ATP8B4: variants seen among roughly 807,000 people sequenced by gnomAD.
ATP8B4 encodes probable phospholipid-transporting ATPase IM.
ATP8B4 carries 133 observed loss-of-function variants against 145.6 expected under a neutral mutation model. The observed-to-expected ratio is 0.91, with a 90% CI of 0.79 to 1.05. ATP8B4 has a LOEUF of 1.05. Ranked by LOEUF, ATP8B4 falls within the 50% of genes least tolerant of loss-of-function variation. The pLI, the probability that ATP8B4 is intolerant of heterozygous loss-of-function variation, is 0.00. For synonymous variants in ATP8B4, 507 were observed against 492.9 expected (o/e 1.03, Z -0.38); for missense variants, 1,458 against 1,425.2 (o/e 1.02, Z -0.37).
intron 1 of ATP8B4, among the ~76,000 whole-genome samples, chr15:50,147,967 A>G (rs1595647272): frequency 6.6e-6 from 1 of 152,230 alleles, no homozygotes; most frequent in African/African-American, 2.4e-5. Context: ...CATGCAATAC[A>G]TATTAATTAC....
intron 1 of ATP8B4, among the ~76,000 whole-genome samples, chr15:50,114,260 T>C (rs1259998821): frequency 6.6e-6 from 1 of 151,954 alleles, no homozygotes; most frequent in Non-Finnish European, 1.5e-5. Flanking sequence ...TATTCCTCAC[T>C]CCCTTCCTAC....
chr15:49,981,568 C>T (rs180748202), intron 10 of ATP8B4, among the ~76,000 whole-genome samples: 6 of 152,018 alleles, frequency 3.9e-5, no homozygotes, highest in Admixed American at 3.3e-4. Flanking sequence ...TTTTCAATGT[C>T]TATACATGAA....
In ATP8B4 at chr15:50,027,710, G is replaced by C. The variant is rs868367898; in HGVS notation, c.362+11058C>G. On this transcript the variant is annotated intron_variant, in intron 6 of 27. Coordinates refer to ENST00000284509, the MANE Select transcript of ATP8B4 (RefSeq NM_024837.4). Reference sequence around the variant, plus strand: ...ATTTAAAATCCAGTAAGTGTTTATTGTGAAGGAATGCTAAGCTTATGGAAA... The same window carrying C: ...ATTTAAAATCCAGTAAGTGTTTATTCTGAAGGAATGCTAAGCTTATGGAAA... Among the ~76,000 whole-genome samples, 3 of 152,186 alleles carry C rather than the reference G, an allele frequency of 2.0e-5. No individual in the cohort carries two copies. The South Asian group carries it at 6.2e-4, about 31-fold the overall frequency.
intron 27 of ATP8B4, among the ~76,000 whole-genome samples, chr15:49,861,430 C>G (rs77863598): frequency 0.17 from 20,562 of 121,500 alleles, 1,875 homozygotes; most frequent in Non-Finnish European, 0.21. Flanking sequence ...GTGTGTCTGT[C>G]TGTCTGTCTG....
chr15:49,863,254 T>C (rs2032176589), intron 26 of ATP8B4, among the ~76,000 whole-genome samples: 1 of 152,202 alleles, frequency 6.6e-6, no homozygotes, highest in African/African-American at 2.4e-5. Context: ...GCTCCTGGGT[T>C]TGTGAAAAGA....
At chr15:49,932,466 A>G (rs2041357002) in intron 15 of ATP8B4, among the ~76,000 whole-genome samples, 1 of 152,058 alleles carries the variant, frequency 6.6e-6, no homozygotes, top group African/African-American at 2.4e-5. Context: ...CAATTACTTG[A>G]TCTACCCACG....
At chr15:50,079,121 T>C (rs1211505400) in intron 2 of ATP8B4, among the ~76,000 whole-genome samples, 2 of 152,204 alleles carry the variant, frequency 1.3e-5, no homozygotes, top group South Asian at 4.1e-4. Context: ...TTTGAGGGGA[T>C]GGATACCCCA....
intron 7 of ATP8B4, among the ~76,000 whole-genome samples, chr15:50,006,284 CAA>C (rs36110912): frequency 0.022 from 2,942 of 134,200 alleles, 109 homozygotes; most frequent in African/African-American, 0.072. Context: ...TTCCTCTAGT[CAA>C]AAAAAAAAAA....
At chr15:49,967,729 A>G (rs967563042) in intron 13 of ATP8B4, among the ~76,000 whole-genome samples, 1 of 152,212 alleles carries the variant, frequency 6.6e-6, no homozygotes, top group Non-Finnish European at 1.5e-5. Context: ...AACTTCCCCA[A>G]CCTAGTGAGG....
intron 19 of ATP8B4, among the ~76,000 whole-genome samples, chr15:49,917,663 T>C (rs538517380): frequency 1.4e-3 from 208 of 152,244 alleles, no homozygotes; most frequent in Middle Eastern, 6.8e-3. Context: ...TTCCTCTAAT[T>C]TTATAGAAAT....
chr15:49,993,193 G>C (rs2047169556), intron 9 of ATP8B4, among the ~76,000 whole-genome samples: 1 of 152,054 alleles, frequency 6.6e-6, no homozygotes, highest in Non-Finnish European at 1.5e-5. Context: ...AACTAATATG[G>C]AGAGAGTGAT....
At chr15:50,077,796 G>C (rs373250390) in intron 2 of ATP8B4, among the ~76,000 whole-genome samples, 1 of 152,134 alleles carries the variant, frequency 6.6e-6, no homozygotes, top group East Asian at 1.9e-4. Flanking sequence ...ATTCAGGCCT[G>C]AGAAGGAAGA....
chr15:50,021,564 C>A (rs1452865365), intron 6 of ATP8B4, among the ~76,000 whole-genome samples: 2 of 152,128 alleles, frequency 1.3e-5, no homozygotes, highest in Non-Finnish European at 2.9e-5. Context: ...AGCTGCCTCT[C>A]AGTTCAAATA....
chr15:49,997,595 G>A (rs2047531784), intron 8 of ATP8B4, among the ~76,000 whole-genome samples: 1 of 152,014 alleles, frequency 6.6e-6, no homozygotes, highest in South Asian at 2.1e-4. Flanking sequence ...CCAAGAGGAT[G>A]ACAATCCTCT....
At chr15:49,981,083 T>C (rs2046110778) in intron 11 of ATP8B4, 123 bp downstream of exon 11, 2 of 760,794 alleles carry the variant, frequency 2.6e-6, no homozygotes, top group Non-Finnish European at 4.2e-6. Flanking sequence ...GAGCCTCAAA[T>C]GCAAAATCCC....
At chr15:50,066,519 CAAG>C (rs1235668662) in intron 3 of ATP8B4, among the ~76,000 whole-genome samples, 3 of 152,138 alleles carry the variant, frequency 2.0e-5, no homozygotes, top group African/African-American at 7.2e-5. Flanking sequence ...CTATGCTGCT[CAAG>C]AAGAATAGAG....
intron 14 of ATP8B4, among the ~76,000 whole-genome samples, chr15:49,957,477 T>C (rs1260397520): frequency 6.6e-6 from 1 of 152,024 alleles, no homozygotes. Flanking sequence ...TAGCCCCATG[T>C]AAATGGGCCA....
intron 3 of ATP8B4, among the ~76,000 whole-genome samples, chr15:50,068,392 A>G (rs79260656): frequency 0.013 from 1,944 of 152,306 alleles, 42 homozygotes; most frequent in African/African-American, 0.044. Context: ...TGGGAGCAGC[A>G]AATAGATTTC....
intron 3 of ATP8B4, among the ~76,000 whole-genome samples, chr15:50,072,362 C>A (rs966404862): frequency 2.6e-5 from 4 of 152,154 alleles, no homozygotes; most frequent in Non-Finnish European, 5.9e-5. Context: ...AGTTTTCTAT[C>A]TTAGAGCTTA....
Sources: gnomAD v4.1 joint callset for allele counts (sites outside exome capture counted in the v4.1 genomes callset) on GRCh38, gnomAD v4.1.1 for gene constraint, MANE v1.5 for transcripts, NCBI Gene and HGNC (gene_info 2026-07-23, HGNC 2026-07-21) for gene names.